The following NOCT variants were observed in gnomAD, a reference collection of about 807,000 sequenced individuals.
The protein encoded by NOCT is CCR4 carbon catabolite repression 4-like.
NOCT carries 18 observed loss-of-function variants against 35.0 expected under a neutral mutation model. The observed-to-expected ratio is 0.51, with a 90% CI of 0.36 to 0.76. The LOEUF is 0.76. Ranked by LOEUF, NOCT falls within the 30% of genes least tolerant of loss-of-function variation. The pLI is 0.01. For missense variants in NOCT, 479 were observed against 541.0 expected (o/e 0.89, Z 1.14); for synonymous variants, 235 against 226.3 (o/e 1.04, Z -0.34).
intron 1 of NOCT, among the ~76,000 whole-genome samples, chr4:139,039,185 A>AAAAAAAAT (rs1726791306): frequency 6.6e-6 from 1 of 150,960 alleles, no homozygotes; most frequent in Non-Finnish European, 1.5e-5. Context: ...AAAAAAAAAA[A>AAAAAAAAT]AAGCCATTCT....
chr4:139,030,785 GT>G (rs1726609307), intron 1 of NOCT, among the ~76,000 whole-genome samples: 1 of 152,162 alleles, frequency 6.6e-6, no homozygotes, highest in African/African-American at 2.4e-5. Context: ...AATTAGCTTA[GT>G]TTTTGTGAGG....
chr4:139,044,526 A>G, intron 2 of NOCT, 113 bp from the exon 3 acceptor site: 1 of 652,262 alleles, frequency 1.5e-6, no homozygotes, highest in Non-Finnish European at 2.7e-6. Flanking sequence ...AGCCACTCCA[A>G]GCATTTAAAG....
intron 1 of NOCT, among the ~76,000 whole-genome samples, chr4:139,021,597 A>C (rs910819859): frequency 1.3e-5 from 2 of 152,138 alleles, no homozygotes; most frequent in African/African-American, 2.4e-5. Context: ...ATGGGAGTGT[A>C]TCCATGTAGT....
At chr4:139,036,258 T>C (rs1726736961) in intron 1 of NOCT, among the ~76,000 whole-genome samples, 1 of 152,096 alleles carries the variant, frequency 6.6e-6, no homozygotes, top group African/African-American at 2.4e-5. Flanking sequence ...CCTAGAGAGA[T>C]ATTTAATTTT....
intron 1 of NOCT, among the ~76,000 whole-genome samples, chr4:139,039,919 G>C (rs1322861508): frequency 6.6e-6 from 1 of 152,036 alleles, no homozygotes; most frequent in African/African-American, 2.4e-5. Flanking sequence ...GTAGAGACGG[G>C]GCTTTGCTAC....
intron 1 of NOCT, among the ~76,000 whole-genome samples, chr4:139,030,690 T>C (rs1317279654): frequency 6.6e-6 from 1 of 152,228 alleles, no homozygotes; most frequent in Non-Finnish European, 1.5e-5. Flanking sequence ...TGTTGGTGGT[T>C]ATCTTGTGTG....
chr4:139,031,807 G>A (rs1726629438), intron 1 of NOCT, among the ~76,000 whole-genome samples: 1 of 151,726 alleles, frequency 6.6e-6, no homozygotes, highest in Admixed American at 6.6e-5. Flanking sequence ...CTGCCTTCCA[G>A]GTTCAAGAGA....
chr4:139,026,016 A>T (rs1049876611), intron 1 of NOCT, among the ~76,000 whole-genome samples: 1 of 152,200 alleles, frequency 6.6e-6, no homozygotes, highest in Non-Finnish European at 1.5e-5. Flanking sequence ...TTTTTAAGTG[A>T]CTAAACATCT....
chr4:139,026,553 CT>C (rs112368628), intron 1 of NOCT, among the ~76,000 whole-genome samples: 425 of 140,288 alleles, frequency 3.0e-3, no homozygotes, highest in African/African-American at 2.8e-3. Flanking sequence ...TTTCATACTT[CT>C]TTTTTTTTTT....
At chr4:139,042,267 C>T (rs1726846540) in intron 1 of NOCT, among the ~76,000 whole-genome samples, 1 of 151,844 alleles carries the variant, frequency 6.6e-6, no homozygotes, top group African/African-American at 2.4e-5. Context: ...CAGGGTTTCT[C>T]CATGTTGGCC....
At chr4:139,024,330 G>A (rs904406269) in intron 1 of NOCT, among the ~76,000 whole-genome samples, 1 of 152,104 alleles carries the variant, frequency 6.6e-6, no homozygotes, top group Non-Finnish European at 1.5e-5. Flanking sequence ...TGGATTACAA[G>A]CATGAGGCAC....
At chr4:139,033,451 G>C (rs1160552272) in intron 1 of NOCT, among the ~76,000 whole-genome samples, 1 of 151,940 alleles carries the variant, frequency 6.6e-6, no homozygotes, top group Non-Finnish European at 1.5e-5. Flanking sequence ...TGAGAGGATT[G>C]CTTGAAGCCA....
intron 1 of NOCT, among the ~76,000 whole-genome samples, chr4:139,038,828 G>A (rs2148646615): frequency 6.6e-6 from 1 of 152,158 alleles, no homozygotes; most frequent in East Asian, 1.9e-4. Flanking sequence ...GAATTGATTT[G>A]CTAAGTAGCT....
chr4:139,042,706 G>A (rs576927409), intron 1 of NOCT, among the ~76,000 whole-genome samples: 2 of 152,104 alleles, frequency 1.3e-5, no homozygotes, highest in East Asian at 1.9e-4. Flanking sequence ...ACCTGAGGTC[G>A]GGAGTTCCAG....
rs1726924940 is a variant in NOCT at position 139,045,608 on chromosome 4, C to T, written c.*134C>T. On this transcript the variant is annotated 3_prime_UTR_variant, in exon 3 of 3. Transcript: ENST00000280614. ...CTCGGCTCACTGCAAGATCCGCCTC[C>T]CGGGTTCATGGCATTCTCCTGCCTC... The T allele has an allele frequency of 3.6e-6, 2 of 556,998 alleles. No homozygotes were observed. The highest frequency in any genetic ancestry group is 6.0e-5 in the East Asian group (2 of 33,476). The allele number at this position is 556,998 out of a possible 1,614,324, so 34.5% of individuals were successfully genotyped here. A position where few individuals can be genotyped will look rare whatever the true frequency, so the allele number is the denominator to read the frequency against.
chr4:139,022,458 A>T (rs1334859611), intron 1 of NOCT, among the ~76,000 whole-genome samples: 1 of 152,178 alleles, frequency 6.6e-6, no homozygotes, highest in African/African-American at 2.4e-5. Context: ...TCCAGTATAT[A>T]AAAAAATGCG....
intron 1 of NOCT, among the ~76,000 whole-genome samples, chr4:139,035,776 C>T (rs1347632297): frequency 6.6e-6 from 1 of 152,180 alleles, no homozygotes; most frequent in East Asian, 1.9e-4. Flanking sequence ...GATCTGCTCC[C>T]TCTCACTGCT....
At position 139,045,216 on chromosome 4, in the gene NOCT, C is replaced by CG. The variant is rs1726910849; in HGVS notation, c.1039dup (p.Ala347GlyfsTer8). ...CTTCCTCCAGCCTCAACCTGAACAG[C>CG]GCCTACAAGCTGCTGAGTGCTGATG... On this transcript the variant is annotated frameshift_variant, in exon 3 of 3. Coordinates refer to ENST00000280614, the MANE Select transcript of NOCT (RefSeq NM_012118.4). LOFTEE classifies it high-confidence loss of function. 2 of 1,614,048 alleles carry CG rather than the reference C, an allele frequency of 1.2e-6. No individual in the cohort carries two copies. Among genetic ancestry groups the CG allele is most frequent in the African/African-American group, 1.3e-5 (1 of 74,910 alleles).
At chr4:139,023,298 A>G (rs1726449654) in intron 1 of NOCT, among the ~76,000 whole-genome samples, 1 of 152,084 alleles carries the variant, frequency 6.6e-6, no homozygotes, top group Admixed American at 6.6e-5. Context: ...GACTGCAAAT[A>G]TCTTGTCTAG....
Sources: allele counts gnomAD v4.1 joint callset (sites outside exome capture counted in the v4.1 genomes callset), GRCh38; gene constraint gnomAD v4.1.1; transcripts MANE v1.5; gene names NCBI Gene and HGNC (gene_info 2026-07-23, HGNC 2026-07-21).